Variants in TMEM232 observed in about 807,000 individuals in gnomAD.
The protein encoded by TMEM232 is transmembrane protein 232.
Under a neutral mutation model 78.8 loss-of-function variants are expected in TMEM232, and 80 were observed. That is an observed-to-expected ratio of 1.01 (90% CI 0.85 to 1.22). TMEM232 has a LOEUF of 1.22. Ranked by LOEUF, TMEM232 falls within the 50% of genes most tolerant of loss-of-function variation. The probability of loss-of-function intolerance (pLI) is 0.00; values close to 1 mark genes in which losing one functional copy is unlikely to be tolerated. For synonymous variants in TMEM232, 297 were observed against 254.3 expected (o/e 1.17, Z -1.60); for missense variants, 881 against 742.2 (o/e 1.19, Z -2.17).
chr5:110,630,664 T>C (rs1785003272), intron 5 of TMEM232, among the ~76,000 whole-genome samples: 1 of 152,192 alleles, frequency 6.6e-6, no homozygotes. Flanking sequence ...TCATGCTTCC[T>C]GTTAAGCCTG....
At chr5:110,416,958 T>G (rs1247204436), downstream of TMEM232, among the ~76,000 whole-genome samples, 3 of 152,234 alleles carry the variant, frequency 2.0e-5, no homozygotes, top group African/African-American at 7.2e-5. Flanking sequence ...CTTATGTTCA[T>G]GCTTCTGTTA....
At chr5:110,483,345 T>C (rs191318584) in intron 12 of TMEM232, among the ~76,000 whole-genome samples, 154 of 152,252 alleles carry the variant, frequency 1.0e-3, no homozygotes, top group Admixed American at 2.0e-3. Flanking sequence ...CAACTCTGAA[T>C]ACCTAATATT....
chr5:110,556,376 CCTTT>C (rs1250152416), intron 11 of TMEM232, among the ~76,000 whole-genome samples: 24 of 146,608 alleles, frequency 1.6e-4, no homozygotes, highest in African/African-American at 2.8e-4. Context: ...TTCCTTCCTT[CCTTT>C]CTTTCTTTCC....
At chr5:110,425,538 T>A (rs1351359458) in intron 12 of TMEM232, among the ~76,000 whole-genome samples, 1 of 152,072 alleles carries the variant, frequency 6.6e-6, no homozygotes, top group African/African-American at 2.4e-5. Context: ...GAAATTTCCA[T>A]ATTCAAAAAA....
chr5:110,701,476 G>C (rs955691999), intron 1 of TMEM232, among the ~76,000 whole-genome samples: 1 of 151,970 alleles, frequency 6.6e-6, no homozygotes, highest in Admixed American at 6.6e-5. Context: ...TATAGGAAAG[G>C]ATAGAGATTT....
At chr5:110,629,665 T>A (rs1365119041) in intron 5 of TMEM232, among the ~76,000 whole-genome samples, 1 of 152,176 alleles carries the variant, frequency 6.6e-6, no homozygotes, top group African/African-American at 2.4e-5. Flanking sequence ...TCTTTTTTTC[T>A]GATACTTTTA....
chr5:110,734,720 C>G (rs183432571), intron 2 of TMEM232, among the ~76,000 whole-genome samples: 1 of 151,890 alleles, frequency 6.6e-6, no homozygotes, highest in Admixed American at 6.5e-5. Context: ...CCTAACTTCC[C>G]TAACAATGTA....
At chr5:110,531,496 T>A (rs1771475892) in intron 11 of TMEM232, among the ~76,000 whole-genome samples, 1 of 152,188 alleles carries the variant, frequency 6.6e-6, no homozygotes, top group African/African-American at 2.4e-5. Flanking sequence ...CTTTTTACTC[T>A]CTTCTCCAAC....
chr5:110,643,485 G>A (rs1281027401), intron 2 of TMEM232, among the ~76,000 whole-genome samples: 2 of 152,046 alleles, frequency 1.3e-5, no homozygotes, highest in Non-Finnish European at 2.9e-5. Context: ...AGTTGAAAGT[G>A]TATGCAAGAG....
At chr5:110,477,914 G>A (rs1301979515) in intron 12 of TMEM232, among the ~76,000 whole-genome samples, 1 of 151,794 alleles carries the variant, frequency 6.6e-6, no homozygotes, top group Admixed American at 6.6e-5. Context: ...CCATTATCCT[G>A]TGACAACATT....
chr5:110,469,511 A>G (rs982884875), intron 12 of TMEM232, among the ~76,000 whole-genome samples: 1 of 151,832 alleles, frequency 6.6e-6, no homozygotes, highest in South Asian at 2.1e-4. Context: ...CACCCTATCT[A>G]CCCCTCTCCA....
intron 1 of TMEM232, among the ~76,000 whole-genome samples, chr5:110,710,942 G>C (rs796980349): frequency 5.3e-5 from 8 of 152,160 alleles, no homozygotes; most frequent in African/African-American, 1.9e-4. Flanking sequence ...AAGAAACAAA[G>C]GGCATCCAAA....
At chr5:110,400,291 G>A (rs1755541358) in intron 2 of TMEM232, among the ~76,000 whole-genome samples, 1 of 152,012 alleles carries the variant, frequency 6.6e-6, no homozygotes, top group African/African-American at 2.4e-5. Flanking sequence ...TCATATGACA[G>A]TTTTCTCAAA....
chr5:110,428,055 T>C (rs1757434415), intron 12 of TMEM232, among the ~76,000 whole-genome samples: 1 of 151,806 alleles, frequency 6.6e-6, no homozygotes. Context: ...CTATAGTCAC[T>C]CCATTGTGCT....
intron 1 of TMEM232, among the ~76,000 whole-genome samples, chr5:110,719,448 A>T (rs1797366532): frequency 6.6e-6 from 1 of 152,052 alleles, no homozygotes. Context: ...AGTCTTTAAT[A>T]AATCTGACAT....
chr5:110,532,902 G>C lies in TMEM232; in HGVS notation c.1456-4067C>G, dbSNP rs560274926. Reference sequence around the variant, plus strand: ...GCTTGCTACAGCATGGCCTTTTAAAGCCTATAAACTCTCCTTACAATTCCC... The same window carrying C: ...GCTTGCTACAGCATGGCCTTTTAAACCCTATAAACTCTCCTTACAATTCCC... On this transcript the variant is annotated intron_variant, in intron 11 of 13. Transcript: ENST00000455884. Among the ~76,000 whole-genome samples, 25 of 152,238 alleles carry C rather than the reference G, an allele frequency of 1.6e-4. No homozygotes were observed. The South Asian group carries it at 4.1e-3, about 25-fold the overall frequency.
intron 1 of TMEM232, 56 bp from the exon 2 acceptor site, chr5:110,667,420 A>C: frequency 7.7e-7 from 1 of 1,304,000 alleles, no homozygotes; most frequent in Non-Finnish European, 1.0e-6. Context: ...GTATCAAACA[A>C]CATGTTATGC....
intron 12 of TMEM232, among the ~76,000 whole-genome samples, chr5:110,519,630 C>T (rs1179025881): frequency 6.6e-6 from 1 of 151,794 alleles, no homozygotes; most frequent in Admixed American, 6.6e-5. Flanking sequence ...GGCATATACC[C>T]AAAAGAAAGA....
rs1339155457 is a variant in TMEM232 at position 110,667,253 on chromosome 5, T to C, written c.100A>G (p.Ser34Gly). 1.3e-6 allele frequency: 2 copies of C among 1,546,520 alleles called. No homozygotes were observed. The highest frequency in any genetic ancestry group is 1.7e-6 in the Non-Finnish European group (2 of 1,143,916). ...CTTGATTTATGACCCCTTTCTCCAC[T>C]TAAATGTTGAAAATTTAATTTCCAG... ...ELWKLNFQHLSGERGHKSRPT... is the reference protein window; with the variant it reads ...ELWKLNFQHLGGERGHKSRPT... The change falls in exon 2 of 14, where the codon AGT becomes GGT. Residue 34 changes from serine (S) to glycine (G), a missense_variant. Physicochemically the swap from Ser to Gly is moderately conservative, Grantham distance 56. Transcript: ENST00000455884.
Sources: allele counts gnomAD v4.1 joint callset (sites outside exome capture counted in the v4.1 genomes callset), GRCh38; gene constraint gnomAD v4.1.1; transcripts MANE v1.5; gene names NCBI Gene and HGNC (gene_info 2026-07-23, HGNC 2026-07-21).